The following L3MBTL3 variants were observed in gnomAD, a reference collection of about 807,000 sequenced individuals.
The protein encoded by L3MBTL3 is L3MBTL histone methyl-lysine binding protein 3.
L3MBTL3 carries 27 observed loss-of-function variants against 102.3 expected under a neutral mutation model. The observed-to-expected ratio is 0.26, with a 90% CI of 0.19 to 0.36. L3MBTL3 has a LOEUF of 0.36. L3MBTL3 is among the 10% of genes least tolerant of loss of function. The pLI is 1.00. For synonymous variants in L3MBTL3, 340 were observed against 320.9 expected (o/e 1.06, Z -0.64); for missense variants, 798 against 955.3 (o/e 0.84, Z 2.17).
At chr6:130,032,619 C>A (rs1264802938) in intron 2 of L3MBTL3, among the ~76,000 whole-genome samples, 1 of 152,218 alleles carries the variant, frequency 6.6e-6, no homozygotes, top group Non-Finnish European at 1.5e-5. Flanking sequence ...CCTATCTCAT[C>A]TGTCTTCACC....
chr6:130,035,171 A>G (rs923982799), intron 2 of L3MBTL3, among the ~76,000 whole-genome samples: 23 of 152,246 alleles, frequency 1.5e-4, no homozygotes, highest in Non-Finnish European at 4.4e-5. Flanking sequence ...AATTATTTAA[A>G]CATTCAACAG....
At chr6:130,025,041 C>T (rs1779255159) in intron 2 of L3MBTL3, among the ~76,000 whole-genome samples, 1 of 152,130 alleles carries the variant, frequency 6.6e-6, no homozygotes, top group Non-Finnish European at 1.5e-5. Flanking sequence ...CAAGGAATGT[C>T]TAGCAAGAGT....
chr6:130,055,992 A>G (rs913609836), intron 8 of L3MBTL3, among the ~76,000 whole-genome samples: 2 of 149,530 alleles, frequency 1.3e-5, no homozygotes, highest in Admixed American at 1.3e-4. Context: ...TGGTGGCGCA[A>G]TCTCGGCTCA....
At chr6:130,070,954 T>G in intron 12 of L3MBTL3, 22 bp from the exon 13 acceptor site, 1 of 1,608,478 alleles carries the variant, frequency 6.2e-7, no homozygotes, top group South Asian at 1.1e-5. Context: ...TTATCTCTAA[T>G]TAAATCTGTG....
intron 6 of L3MBTL3, among the ~76,000 whole-genome samples, chr6:130,052,232 G>A (rs747286979): frequency 3.3e-5 from 5 of 151,742 alleles, no homozygotes; most frequent in Non-Finnish European, 5.9e-5. Context: ...TCAGCCTCCC[G>A]AGTAGCTGGG....
intron 2 of L3MBTL3, among the ~76,000 whole-genome samples, chr6:130,022,850 C>T (rs1295537421): frequency 6.6e-6 from 1 of 152,176 alleles, no homozygotes; most frequent in Non-Finnish European, 1.5e-5. Flanking sequence ...TTAGCTTAGA[C>T]TTGTCAACTT....
intron 12 of L3MBTL3, among the ~76,000 whole-genome samples, chr6:130,070,281 A>G (rs1190735273): frequency 3.3e-5 from 5 of 152,214 alleles, no homozygotes; most frequent in Admixed American, 2.0e-4. Flanking sequence ...TACCTTAAGC[A>G]CTAACTCTTA....
chr6:130,102,094 TC>T (rs1158440641), intron 18 of L3MBTL3, among the ~76,000 whole-genome samples: 9 of 150,086 alleles, frequency 6.0e-5, no homozygotes, highest in African/African-American at 2.2e-4. Flanking sequence ...TCATTCTATC[TC>T]AGGGGGAAAA....
intron 16 of L3MBTL3, among the ~76,000 whole-genome samples, chr6:130,087,478 G>GA (rs1032107209): frequency 1.3e-5 from 2 of 151,604 alleles, no homozygotes; most frequent in Admixed American, 6.6e-5. Flanking sequence ...GCTCAGAATT[G>GA]AAAAAAAATA....
chr6:130,126,544 G>GT (rs1786620951), intron 20 of L3MBTL3, among the ~76,000 whole-genome samples: 1 of 152,120 alleles, frequency 6.6e-6, no homozygotes, highest in Admixed American at 6.6e-5. Flanking sequence ...ACCAGAGGAT[G>GT]TTTATTTCAG....
chr6:130,126,143 T>C (rs1456416786), intron 20 of L3MBTL3, among the ~76,000 whole-genome samples: 4 of 143,162 alleles, frequency 2.8e-5, no homozygotes, highest in African/African-American at 1.0e-4. Context: ...CTGTCTTCTC[T>C]ACCTGAATAA....
chr6:130,105,762 A>T (rs1190983166), intron 19 of L3MBTL3, among the ~76,000 whole-genome samples: 2 of 152,240 alleles, frequency 1.3e-5, no homozygotes, highest in East Asian at 3.8e-4. Flanking sequence ...AAAAATTTAA[A>T]AATTGTTTAT....
At chr6:130,092,565 G>A (rs1490152744) in intron 16 of L3MBTL3, among the ~76,000 whole-genome samples, 180 bp from the exon 17 acceptor site, 1 of 152,086 alleles carries the variant, frequency 6.6e-6, no homozygotes, top group East Asian at 1.9e-4. Context: ...CATTGAAGGT[G>A]GTTCAAAGAT....
chr6:130,022,672 G>A (rs1456368058), intron 2 of L3MBTL3, among the ~76,000 whole-genome samples: 1 of 152,178 alleles, frequency 6.6e-6, no homozygotes, highest in Admixed American at 6.5e-5. Flanking sequence ...TGATATGGAA[G>A]ATTCTGGAAC....
chr6:130,025,135 A>ACT (rs1433863887), intron 2 of L3MBTL3, among the ~76,000 whole-genome samples: 1 of 152,192 alleles, frequency 6.6e-6, no homozygotes, highest in African/African-American at 2.4e-5. Flanking sequence ...ACTATCTTCC[A>ACT]CTGTTACCAC....
At chr6:130,117,693 C>T (rs1211057075) in intron 19 of L3MBTL3, among the ~76,000 whole-genome samples, 3 of 151,804 alleles carry the variant, frequency 2.0e-5, no homozygotes, top group African/African-American at 7.3e-5. Flanking sequence ...ATTGAATAAA[C>T]AATTTTTCTT....
At chr6:130,108,359 C>T (rs1472939749) in intron 19 of L3MBTL3, among the ~76,000 whole-genome samples, 3 of 151,222 alleles carry the variant, frequency 2.0e-5, no homozygotes, top group African/African-American at 4.9e-5. Flanking sequence ...CTCAGCCTCC[C>T]GAGTAGCTGG....
chr6:130,112,972 C>T (rs1407735869), intron 19 of L3MBTL3, among the ~76,000 whole-genome samples: 4 of 152,196 alleles, frequency 2.6e-5, no homozygotes, highest in African/African-American at 7.2e-5. Flanking sequence ...GGCAGCTCAT[C>T]TCTGCCCTCA....
At chr6:130,129,918 G>A (rs755817950) in intron 20 of L3MBTL3, among the ~76,000 whole-genome samples, 7 of 152,150 alleles carry the variant, frequency 4.6e-5, no homozygotes, top group Non-Finnish European at 1.0e-4. Context: ...ACTTTTCTTT[G>A]CAATTCAAGG....
Sources: gnomAD v4.1 joint callset for allele counts (sites outside exome capture counted in the v4.1 genomes callset) on GRCh38, gnomAD v4.1.1 for gene constraint, MANE v1.5 for transcripts, NCBI Gene and HGNC (gene_info 2026-07-23, HGNC 2026-07-21) for gene names.